NLRC5: variants seen among roughly 807,000 people sequenced by gnomAD.
NLRC5 encodes NLR family CARD domain containing 5.
NLRC5 carries 114 observed loss-of-function variants against 206.9 expected under a neutral mutation model. The ratio of observed to expected loss-of-function variants is 0.55; its 90% confidence interval spans 0.47 to 0.64. NLRC5 has a LOEUF of 0.64. NLRC5 is among the 30% of genes least tolerant of loss of function. The probability of loss-of-function intolerance (pLI) is 0.00; values close to 1 mark genes in which losing one functional copy is unlikely to be tolerated. For missense variants in NLRC5, 2,008 were observed against 2,305.5 expected, an observed-to-expected ratio of 0.87 and a Z score of 2.64; for synonymous variants, 952 against 962.8, an observed-to-expected ratio of 0.99 and a Z score of 0.21.
intron 23 of NLRC5, among the ~76,000 whole-genome samples, chr16:57,050,162 G>A (rs1470691783): frequency 6.6e-6 from 1 of 151,826 alleles, no homozygotes; most frequent in Non-Finnish European, 1.5e-5. Flanking sequence ...AGCCCATGGT[G>A]TATTTGGGGG....
chr16:57,033,364 G>A (rs1226570709), intron 11 of NLRC5, among the ~76,000 whole-genome samples: 1 of 152,192 alleles, frequency 6.6e-6, no homozygotes, highest in African/African-American at 2.4e-5. Context: ...TTTGCCCAAG[G>A]CCACATGGCT....
At chr16:57,017,934 T>G (rs2060255516) in intron 2 of NLRC5, among the ~76,000 whole-genome samples, 1 of 152,246 alleles carries the variant, frequency 6.6e-6, no homozygotes, top group African/African-American at 2.4e-5. Context: ...CCAAGATTAT[T>G]CCCCATGGAA....
chr16:57,041,081 T>TC (rs1417090739), intron 17 of NLRC5, among the ~76,000 whole-genome samples: 7 of 152,100 alleles, frequency 4.6e-5, no homozygotes, highest in African/African-American at 1.7e-4. Flanking sequence ...TCAGCACTCT[T>TC]CCCCCCTTCT....
At chr16:57,019,990 G>T (rs1451122433) in intron 2 of NLRC5, among the ~76,000 whole-genome samples, 2 of 152,086 alleles carry the variant, frequency 1.3e-5, no homozygotes, top group Non-Finnish European at 2.9e-5. Flanking sequence ...CAGGGTGCAG[G>T]CACAAATGGA....
chr16:57,076,549 C>T (rs1567646878), intron 39 of NLRC5, among the ~76,000 whole-genome samples: 2 of 152,222 alleles, frequency 1.3e-5, no homozygotes, highest in Non-Finnish European at 2.9e-5. Context: ...GCCAGGGGCT[C>T]TGGATTTGTT....
Position 57,026,131 on chromosome 16 carries a change from T to C in NLRC5, c.1188T>C (p.Asn396=). 2 of 1,614,094 alleles carry C rather than the reference T, an allele frequency of 1.2e-6. No homozygotes were observed. The highest frequency in any genetic ancestry group is 1.7e-6 in the Non-Finnish European group (2 of 1,180,034). The change falls in exon 6 of 49, where the codon AAT becomes AAC. Residue 396 remains asparagine, a synonymous_variant. Coordinates refer to ENST00000688547, the MANE Select transcript of NLRC5 (RefSeq NM_001384950.1). ...REGALVELQT[N]GRLRSLCAVP... ...GGGCCCTGGTGGAGTTACAGACAAA[T>C]GGACGTCTCCGAAGCCTGTGTGCGG... is the stretch of plus-strand genomic sequence containing the variant.
At chr16:57,024,449 C>T (rs2061038894) in intron 5 of NLRC5, among the ~76,000 whole-genome samples, 1 of 152,258 alleles carries the variant, frequency 6.6e-6, no homozygotes, top group Non-Finnish European at 1.5e-5. Context: ...TTCACATCCG[C>T]TCAAAATAGT....
intron 1 of NLRC5, chr16:57,013,915 G>T: frequency 1.9e-6 from 1 of 512,996 alleles, no homozygotes; most frequent in Non-Finnish European, 3.6e-6. Context: ...AATGCGGCTG[G>T]TTTTCAATTT....
chr16:57,079,413 C>A, intron 45 of NLRC5, 121 bp downstream of exon 45: 1 of 1,378,876 alleles, frequency 7.3e-7, no homozygotes, highest in Non-Finnish European at 1.0e-6. Context: ...ATGGTGGGGG[C>A]CTGGCTCAAG....
chr16:57,060,053 T>TATTATTATC (rs1555534745), intron 30 of NLRC5, among the ~76,000 whole-genome samples: 8 of 143,664 alleles, frequency 5.6e-5, no homozygotes, highest in African/African-American at 2.1e-4. Flanking sequence ...TTATTATTAT[T>TATTATTATC]ATTATCATTA....
At chr16:57,027,061 T>C in intron 6 of NLRC5, 43 bp downstream of exon 6, 1 of 1,582,592 alleles carries the variant, frequency 6.3e-7, no homozygotes. Flanking sequence ...ATTGGGCTTT[T>C]GGGGGAGCAG....
chr16:57,058,056 C>A lies in NLRC5; in HGVS notation c.3747-9C>A. On this transcript the variant is annotated splice_polypyrimidine_tract_variant and intron_variant, in intron 27 of 48. Coordinates refer to ENST00000688547, the MANE Select transcript of NLRC5 (RefSeq NM_001384950.1). Reference sequence around the variant, plus strand: ...TCTGATCCCCGCCACTGCTCCTTACCCCCTACAGTCTCTCAGCAAACCTGC... The same window carrying A: ...TCTGATCCCCGCCACTGCTCCTTACACCCTACAGTCTCTCAGCAAACCTGC... The A allele has an allele frequency of 1.2e-6, 2 of 1,610,290 alleles. No individual in the cohort carries two copies. Among genetic ancestry groups the A allele is most frequent in the East Asian group, 2.2e-5 (1 of 44,864 alleles).
rs1304342684 is a variant in NLRC5 at position 57,026,840 on chromosome 16, C to A, written c.1897C>A (p.Gln633Lys). 7 of 1,614,122 alleles carry A rather than the reference C, an allele frequency of 4.3e-6. No homozygotes were observed. The highest frequency in any genetic ancestry group is 1.6e-4 in the Middle Eastern group (1 of 6,084). The change falls in exon 6 of 49, where the codon CAA (glutamine) becomes AAA (lysine). Residue 633 changes from glutamine to lysine, a missense_variant. Physicochemically the swap from Gln to Lys is moderately conservative, Grantham distance 53. Transcript: ENST00000688547. ...GCCTGAGCTGGCCAGTCTCACCGCA[C>A]AAAGCCTCCCCTATCAACTGCCCTT... ...QEPELASLTAQSLPYQLPFHN... is the reference protein window; with the variant it reads ...QEPELASLTAKSLPYQLPFHN...
At chr16:57,040,828 C>CAGGTCAGG in intron 17 of NLRC5, 110 bp downstream of exon 17, 5 of 1,014,572 alleles carry the variant, frequency 4.9e-6, no homozygotes, top group Non-Finnish European at 7.6e-6. Flanking sequence ...TGAAGGACAC[C>CAGGTCAGG]TGACCTGCTG....
Position 57,046,585 on chromosome 16 carries a change from C to T in NLRC5, c.3282C>T (p.Phe1094=), listed in dbSNP as rs1211785316. 4.3e-6 allele frequency: 7 copies of T among 1,613,846 alleles called. No homozygotes were observed. The South Asian group carries it at 6.6e-5, about 15-fold the overall frequency. ...GGGCCACTGGATCTTTGCCAGACTT[C>T]CCAGCTGCAGCCAAGTTCTTAGGGT... is the stretch of plus-strand genomic sequence containing the variant. ...DMWATGSLPD[F]PAAAKFLGFR... The change falls in exon 22 of 49, where the codon TTC becomes TTT. Residue 1094 remains phenylalanine, a synonymous_variant. Coordinates refer to ENST00000688547, the MANE Select transcript of NLRC5 (RefSeq NM_001384950.1).
chr16:57,059,162 A>G (rs532437381), intron 29 of NLRC5, 101 bp downstream of exon 29: 2 of 1,601,712 alleles, frequency 1.2e-6, no homozygotes, highest in African/African-American at 2.7e-5. Flanking sequence ...GTGGCCTTCC[A>G]TCTGGGTGGC....
rs1484828808 is a variant in NLRC5, at chr16:57,041,547, G to A, written c.3002G>A (p.Ser1001Asn). The A allele has an allele frequency of 3.1e-6, 5 of 1,614,034 alleles. No homozygotes were observed. In the African/African-American group the frequency reaches 5.3e-5, roughly 17 times the overall value. ...LEQLCKALGG[S>N]CHLGHLHLDF... The stretch of plus-strand genomic sequence containing the variant: ...CAGCTCTGCAAGGCTCTGGGAGGAA[G>A]CTGCCACCTCGGTCACCTCCACCTC... Residue 1001 changes from serine (S) to asparagine (N), a missense_variant, in exon 18 of 49, where the codon AGC becomes AAC. Ser to Asn is a conservative substitution (Grantham distance 46, BLOSUM62 1). Transcript: ENST00000688547.
chr16:57,039,787 G>A lies in NLRC5; in HGVS notation c.2808G>A (p.Gln936=). 1 of 1,614,144 alleles carries A rather than the reference G, an allele frequency of 6.2e-7. No individual in the cohort carries two copies. Among genetic ancestry groups the A allele is most frequent in the Non-Finnish European group, 8.5e-7 (1 of 1,179,998 alleles). Residue 936 remains glutamine, a synonymous_variant, in exon 16 of 49, where the codon CAG becomes CAA. Transcript: ENST00000688547. ...CCCTCTTTTGTCTTCACAGCCTGCA[G>A]CACAAAACTGTGATCTTCATGTTTG... ...WTLAELHISL[Q]HKTVIFMFAQ... is the part of the protein sequence containing the mutation.
chr16:57,003,633 C>T (rs762669867), intron 1 of NLRC5, among the ~76,000 whole-genome samples: 24 of 152,180 alleles, frequency 1.6e-4, no homozygotes, highest in Non-Finnish European at 2.8e-4. Flanking sequence ...GAAGTGTGAC[C>T]GACCACCCAG....
Sources: gnomAD v4.1 joint callset for allele counts (sites outside exome capture counted in the v4.1 genomes callset) on GRCh38, gnomAD v4.1.1 for gene constraint, MANE v1.5 for transcripts, NCBI Gene and HGNC (gene_info 2026-07-23, HGNC 2026-07-21) for gene names.